The following PARD3B variants were observed in gnomAD, a reference collection of about 807,000 sequenced individuals.
PARD3B encodes the protein partitioning defective 3 homolog B.
PARD3B carries 103 observed loss-of-function variants against 130.2 expected under a neutral mutation model. That is an observed-to-expected ratio of 0.79 (90% confidence interval 0.67 to 0.93). The LOEUF (loss-of-function observed/expected upper bound fraction) is 0.93, where lower values mean the gene tolerates loss of function less well. PARD3B is among the 40% of genes least tolerant of loss of function. The probability of loss-of-function intolerance (pLI) is 0.00; values close to 1 mark genes in which losing one functional copy is unlikely to be tolerated. For missense variants in PARD3B, 1,609 were observed against 1,499.2 expected, an observed-to-expected ratio of 1.07 and a Z score of -1.21; for synonymous variants, 583 against 553.2, an observed-to-expected ratio of 1.05 and a Z score of -0.76.
intron 15 of PARD3B, among the ~76,000 whole-genome samples, 182 bp from the exon 16 acceptor site, chr2:205,245,596 G>A (rs2039537891): frequency 6.6e-6 from 1 of 152,144 alleles, no homozygotes; most frequent in Non-Finnish European, 1.5e-5. Flanking sequence ...ATTCATAGCT[G>A]TCTTCAAGAT....
At chr2:204,830,784 T>C (rs1355172531) in intron 2 of PARD3B, among the ~76,000 whole-genome samples, 2 of 152,160 alleles carry the variant, frequency 1.3e-5, no homozygotes, top group African/African-American at 2.4e-5. Context: ...CTTTAGGGAA[T>C]AGAAGACCAT....
chr2:204,989,458 T>C (rs1693454555), intron 3 of PARD3B, among the ~76,000 whole-genome samples: 1 of 151,938 alleles, frequency 6.6e-6, no homozygotes, highest in South Asian at 2.1e-4. Flanking sequence ...AATTTGAGAG[T>C]TTTCTAAAAC....
chr2:205,468,162 G>T (rs2048697254), intron 20 of PARD3B, among the ~76,000 whole-genome samples: 1 of 152,178 alleles, frequency 6.6e-6, no homozygotes. Context: ...TAGGAGAATG[G>T]AGGCTGGTCT....
intron 4 of PARD3B, among the ~76,000 whole-genome samples, chr2:205,057,912 G>T (rs1699835360): frequency 6.6e-6 from 1 of 150,836 alleles, no homozygotes; most frequent in Non-Finnish European, 1.5e-5. Context: ...TTTAAATTGT[G>T]GTAAAATATA....
At chr2:205,079,038 G>T (rs1168356537) in intron 4 of PARD3B, among the ~76,000 whole-genome samples, 5 of 152,198 alleles carry the variant, frequency 3.3e-5, no homozygotes, top group Non-Finnish European at 2.9e-5. Context: ...GCCCAGCTTA[G>T]CCTTTCCTGA....
chr2:205,539,270 A>G (rs1286725165), intron 21 of PARD3B, among the ~76,000 whole-genome samples: 2 of 152,242 alleles, frequency 1.3e-5, no homozygotes, highest in Non-Finnish European at 2.9e-5. Context: ...TGTCCTGGTC[A>G]GGGTAGTGTT....
intron 2 of PARD3B, among the ~76,000 whole-genome samples, chr2:204,956,500 C>T (rs1293700093): frequency 6.6e-6 from 1 of 151,216 alleles, no homozygotes; most frequent in Admixed American, 6.6e-5. Flanking sequence ...TTAAGATTAA[C>T]TTGAAGAAAA....
intron 1 of PARD3B, among the ~76,000 whole-genome samples, chr2:204,625,925 T>G (rs1436202182): frequency 2.0e-5 from 3 of 152,158 alleles, no homozygotes; most frequent in Non-Finnish European, 4.4e-5. Flanking sequence ...TTACAAAATT[T>G]GAGATTGGTT....
chr2:204,721,280 A>G (rs2038984699), intron 2 of PARD3B, among the ~76,000 whole-genome samples: 1 of 152,148 alleles, frequency 6.6e-6, no homozygotes, highest in African/African-American at 2.4e-5. Flanking sequence ...AAGAGAGGAC[A>G]GTGGTGGAAT....
intron 2 of PARD3B, among the ~76,000 whole-genome samples, chr2:204,927,984 A>T (rs1203285729): frequency 6.6e-6 from 1 of 152,154 alleles, no homozygotes; most frequent in Non-Finnish European, 1.5e-5. Flanking sequence ...ATAATTGCAA[A>T]ATTGAGTGAT....
At chr2:204,762,543 T>C (rs2040949967) in intron 2 of PARD3B, among the ~76,000 whole-genome samples, 1 of 152,126 alleles carries the variant, frequency 6.6e-6, no homozygotes, top group African/African-American at 2.4e-5. Flanking sequence ...TAGACAGATA[T>C]TTGCATTGAA....
At chr2:204,634,291 G>A (rs1046640732) in intron 1 of PARD3B, among the ~76,000 whole-genome samples, 1 of 152,112 alleles carries the variant, frequency 6.6e-6, no homozygotes, top group Non-Finnish European at 1.5e-5. Flanking sequence ...ATGATCTCCA[G>A]TTCCATTCAT....
At chr2:205,483,108 C>T (rs2049307898) in intron 20 of PARD3B, among the ~76,000 whole-genome samples, 1 of 152,154 alleles carries the variant, frequency 6.6e-6, no homozygotes, top group African/African-American at 2.4e-5. Flanking sequence ...ATGCCTCTCT[C>T]TCTGCCTTTC....
chr2:204,659,213 T>G (rs552857151), intron 1 of PARD3B, among the ~76,000 whole-genome samples: 1 of 152,306 alleles, frequency 6.6e-6, no homozygotes, highest in Non-Finnish European at 1.5e-5. Context: ...TGGAAGAACC[T>G]TGGTAATTTT....
At chr2:204,662,246 A>C (rs1304549876) in intron 1 of PARD3B, among the ~76,000 whole-genome samples, 1 of 152,146 alleles carries the variant, frequency 6.6e-6, no homozygotes, top group Non-Finnish European at 1.5e-5. Flanking sequence ...TAATATTACC[A>C]CTGATCTTAT....
At chr2:205,223,155 T>G (rs938831914) in intron 15 of PARD3B, among the ~76,000 whole-genome samples, 2 of 151,294 alleles carry the variant, frequency 1.3e-5, no homozygotes, top group Non-Finnish European at 2.9e-5. Flanking sequence ...TAAACACAAA[T>G]GAGAAAAAAA....
chr2:204,603,832 T>C lies in PARD3B; in HGVS notation c.120+57713T>C, dbSNP rs189759758. Among the ~76,000 whole-genome samples the C allele has an allele frequency of 1.8e-3, 281 of 152,278 alleles. 4 individuals carry two copies. The highest frequency in any genetic ancestry group is 5.7e-4 in the Non-Finnish European group (39 of 68,002). On this transcript the variant is annotated intron_variant, in intron 1 of 22. Coordinates refer to ENST00000406610, the MANE Select transcript of PARD3B (RefSeq NM_001302769.2). ...GTTTGTGTGAAAGATCTGTGTTTAT[T>C]TTCTGGCTAAATTCCCACTTTAGGA... is the stretch of plus-strand genomic sequence containing the variant.
chr2:204,940,561 A>G (rs1220736201), intron 2 of PARD3B, among the ~76,000 whole-genome samples: 1 of 151,986 alleles, frequency 6.6e-6, no homozygotes, highest in Non-Finnish European at 1.5e-5. Flanking sequence ...TATCATTACA[A>G]AAAAAATTGT....
intron 18 of PARD3B, among the ~76,000 whole-genome samples, chr2:205,340,743 A>C (rs2043493444): frequency 6.6e-6 from 1 of 152,190 alleles, no homozygotes; most frequent in African/African-American, 2.4e-5. Flanking sequence ...AAAATAGACA[A>C]ATGGGATTAT....
Sources: gnomAD v4.1 joint callset for allele counts (sites outside exome capture counted in the v4.1 genomes callset) on GRCh38, gnomAD v4.1.1 for gene constraint, MANE v1.5 for transcripts, NCBI Gene and HGNC (gene_info 2026-07-23, HGNC 2026-07-21) for gene names.